Variants in CENPN observed in about 807,000 individuals in gnomAD.
CENPN encodes the protein interphase centromere complex protein 32.
In CENPN, 36 loss-of-function variants were observed where a neutral mutation model predicts 48.6. The ratio of observed to expected loss-of-function variants is 0.74; its 90% confidence interval spans 0.57 to 0.98. CENPN has a LOEUF of 0.98. CENPN is among the 50% of genes least tolerant of loss of function. CENPN has a pLI of 0.00. For synonymous variants in CENPN, 166 were observed against 135.2 expected, an observed-to-expected ratio of 1.23 and a Z score of -1.58; for missense variants, 439 against 399.2, an observed-to-expected ratio of 1.10 and a Z score of -0.85.
rs1195581607 is a variant in CENPN at position 81,020,271 on chromosome 16, G to T, written c.526G>T (p.Gly176Cys). Reference sequence around the variant, plus strand: ...GCTGAGGCGCAATACACCGCTTCTGGGTCAGGTATGGAAAAAATTATTACA... The same window carrying T: ...GCTGAGGCGCAATACACCGCTTCTGTGTCAGGTATGGAAAAAATTATTACA... ...SMLRRNTPLL[G>C]QALTIASKHH... The change falls in exon 6 of 11, where the codon GGT becomes TGT. Residue 176 changes from glycine to cysteine, a missense_variant. By Grantham distance (159) the Gly-to-Cys change is radical (BLOSUM62 -3). Transcript: ENST00000305850. 15 of 1,607,668 alleles carry T rather than the reference G, an allele frequency of 9.3e-6. No individual in the cohort carries two copies. The highest frequency in any genetic ancestry group is 1.3e-5 in the Non-Finnish European group (15 of 1,178,120).
At chr16:81,011,848 T>A (rs1969752762) in intron 1 of CENPN, 82 bp from the exon 2 acceptor site, 3 of 1,110,248 alleles carry the variant, frequency 2.7e-6, no homozygotes, top group Non-Finnish European at 3.9e-6. Flanking sequence ...ATTTTTCATA[T>A]GTGTATGTGT....
At chr16:81,012,967 T>TA (rs1359037243) in intron 2 of CENPN, among the ~76,000 whole-genome samples, 1 of 152,118 alleles carries the variant, frequency 6.6e-6, no homozygotes, top group African/African-American at 2.4e-5. Flanking sequence ...GAGAAAATAA[T>TA]AAAAAATAGG....
intron 2 of CENPN, 151 bp downstream of exon 2, chr16:81,012,261 C>G: frequency 2.0e-6 from 1 of 497,110 alleles, no homozygotes; most frequent in Admixed American, 4.0e-5. Flanking sequence ...GGAAAAAAAC[C>G]TAATTTTTAA....
In CENPN at chr16:81,030,142, C is replaced by T. The variant is rs1970706116; in HGVS notation, c.*1491C>T. 1.1e-6 allele frequency: 1 copy of T among 944,786 alleles called. No homozygotes were observed. Among genetic ancestry groups the T allele is most frequent in the Admixed American group, 6.2e-5 (1 of 16,242 alleles). 58.5% of individuals were successfully genotyped at this position (944,786 alleles called of 1,614,324 possible). On this transcript the variant is annotated 3_prime_UTR_variant, in exon 11 of 11. Coordinates refer to ENST00000305850, the MANE Select transcript of CENPN (RefSeq NM_001100624.3). ...ACTCAAGTATCTCCACCTGGCCCTG[C>T]CCTTGTCACATGGGGGTTATTACAA...
At chr16:81,017,881 C>G in intron 5 of CENPN, 47 bp downstream of exon 5, 1 of 1,142,942 alleles carries the variant, frequency 8.7e-7, no homozygotes. Context: ...GTCATGACGT[C>G]TGTGCACTTA....
chr16:81,007,752 TC>T (rs1486369164), intron 1 of CENPN, among the ~76,000 whole-genome samples: 1 of 152,174 alleles, frequency 6.6e-6, no homozygotes, highest in East Asian at 1.9e-4. Flanking sequence ...GATCATGCGT[TC>T]CACAGATCTT....
intron 5 of CENPN, 69 bp from the exon 6 acceptor site, chr16:81,020,031 C>G: frequency 7.0e-7 from 1 of 1,420,486 alleles, no homozygotes; most frequent in South Asian, 1.3e-5. Context: ...CCCTAATAAG[C>G]ACCTGGAGTT....
chr16:81,032,505 T>G, downstream of CENPN: 2 of 1,484,492 alleles, frequency 1.3e-6, no homozygotes, highest in Non-Finnish European at 1.8e-6. Context: ...TAATAAAACT[T>G]GTATGTCTTT....
At chr16:81,023,002 T>C in intron 7 of CENPN, 1 of 891,112 alleles carries the variant, frequency 1.1e-6, no homozygotes, top group Non-Finnish European at 1.6e-6. Context: ...TCACATTATC[T>C]TTTGAAGCTA....
At chr16:81,012,990 AT>A (rs1330765543) in intron 2 of CENPN, among the ~76,000 whole-genome samples, 1 of 152,248 alleles carries the variant, frequency 6.6e-6, no homozygotes, top group African/African-American at 2.4e-5. Context: ...GTATGTATAA[AT>A]ATTGATAAAT....
chr16:81,018,947 G>C (rs1970050125), intron 5 of CENPN, among the ~76,000 whole-genome samples: 1 of 152,202 alleles, frequency 6.6e-6, no homozygotes, highest in South Asian at 2.1e-4. Context: ...AATCAGAGGG[G>C]AGCTGATAAT....
At chr16:81,013,234 T>C (rs899101674) in intron 2 of CENPN, among the ~76,000 whole-genome samples, 1 of 152,180 alleles carries the variant, frequency 6.6e-6, no homozygotes, top group Admixed American at 6.5e-5. Flanking sequence ...AACATATGGA[T>C]GGATATCAAA....
intron 3 of CENPN, among the ~76,000 whole-genome samples, chr16:81,015,456 A>G (rs1300268998): frequency 6.6e-6 from 1 of 152,278 alleles, no homozygotes; most frequent in Non-Finnish European, 1.5e-5. Flanking sequence ...AGGATTAAAT[A>G]AGAGTACATG....
chr16:81,026,067 A>ATGTG (rs537056825), intron 8 of CENPN, among the ~76,000 whole-genome samples: 69,037 of 135,232 alleles, frequency 0.51, 19,322 homozygotes, highest in South Asian at 0.67. Context: ...ATATATATAT[A>ATGTG]TATGTGTGTG....
At chr16:81,010,252 AAG>A (rs112085797) in intron 1 of CENPN, among the ~76,000 whole-genome samples, 3 of 151,720 alleles carry the variant, frequency 2.0e-5, no homozygotes, top group Non-Finnish European at 4.4e-5. Context: ...TCTGTATTTG[AAG>A]AGAGAGAGAG....
At chr16:81,019,954 C>G in intron 5 of CENPN, 146 bp from the exon 6 acceptor site, 1 of 527,698 alleles carries the variant, frequency 1.9e-6, no homozygotes, top group East Asian at 3.3e-5. Flanking sequence ...TCAAAATACT[C>G]ATGAAAAGCA....
At chr16:81,022,511 T>C in intron 6 of CENPN, 86 bp from the exon 7 acceptor site, 2 of 1,106,358 alleles carry the variant, frequency 1.8e-6, no homozygotes, top group Non-Finnish European at 2.7e-6. Context: ...TATTCCCTAA[T>C]TGCAGCTCTT....
chr16:81,022,891 T>C (rs1273534373), intron 7 of CENPN, 193 bp downstream of exon 7: 1 of 1,606,038 alleles, frequency 6.2e-7, no homozygotes, highest in Non-Finnish European at 8.5e-7. Context: ...TATAATTGTA[T>C]TGTGTTTTAT....
intron 1 of CENPN, among the ~76,000 whole-genome samples, chr16:81,009,062 T>C (rs552071798): frequency 2.9e-4 from 44 of 152,016 alleles, no homozygotes; most frequent in Non-Finnish European, 6.0e-4. Flanking sequence ...GAAAAATTAG[T>C]TGGGTGTCAT....
Sources: allele counts gnomAD v4.1 joint callset (sites outside exome capture counted in the v4.1 genomes callset), GRCh38; gene constraint gnomAD v4.1.1; transcripts MANE v1.5; gene names NCBI Gene and HGNC (gene_info 2026-07-23, HGNC 2026-07-21).